Variants in AMPD3 observed in about 807,000 individuals in gnomAD.
AMPD3 encodes the protein adenosine monophosphate deaminase 3.
AMPD3 carries 57 observed loss-of-function variants against 82.3 expected under a neutral mutation model. The ratio of observed to expected loss-of-function variants is 0.69; its 90% CI spans 0.56 to 0.86. AMPD3 has a LOEUF of 0.86. Ranked by LOEUF, AMPD3 falls within the 40% of genes least tolerant of loss-of-function variation. The pLI is 0.00. For synonymous variants in AMPD3, 381 were observed against 394.7 expected (o/e 0.97, Z 0.41); for missense variants, 870 against 1,003.8 (o/e 0.87, Z 1.80).
At chr11:10,450,737 G>A (rs1009417812), upstream of AMPD3, 7 of 1,124,506 alleles carry the variant, frequency 6.2e-6, no homozygotes, top group African/African-American at 8.2e-5. Context: ...GTAGCCTCTC[G>A]GCTCTCTCTG....
At chr11:10,499,983 G>A (rs1217879626) in intron 10 of AMPD3, 103 bp from the exon 11 acceptor site, 2 of 1,553,204 alleles carry the variant, frequency 1.3e-6, no homozygotes, top group Non-Finnish European at 1.8e-6. Flanking sequence ...AACCTGAGGG[G>A]CCCAGACCCA....
intron 2 of AMPD3, among the ~76,000 whole-genome samples, chr11:10,469,929 A>T (rs905603803): frequency 2.0e-5 from 3 of 151,038 alleles, no homozygotes; most frequent in Non-Finnish European, 4.4e-5. Context: ...AGTCCCAGCT[A>T]CTTGGGAGGC....
chr11:10,483,592 G>C (rs529037846), intron 4 of AMPD3, among the ~76,000 whole-genome samples: 1 of 152,348 alleles, frequency 6.6e-6, no homozygotes, highest in African/African-American at 2.4e-5. Context: ...TGGGGAAGAG[G>C]AGCAACTTCC....
chr11:10,451,095 T>A, upstream of AMPD3: 1 of 1,548,678 alleles, frequency 6.5e-7, no homozygotes, highest in Non-Finnish European at 8.7e-7. Flanking sequence ...CCGCGGACCC[T>A]GCGGCCCAGG....
At chr11:10,473,609 T>G (rs1848654784) in intron 2 of AMPD3, 5 of 985,262 alleles carry the variant, frequency 5.1e-6, no homozygotes, top group Non-Finnish European at 6.0e-6. Context: ...GCTGGTCATC[T>G]GGCTGCATAT....
intron 6 of AMPD3, among the ~76,000 whole-genome samples, chr11:10,492,127 A>G (rs1849256490): frequency 6.6e-6 from 1 of 152,206 alleles, no homozygotes; most frequent in Non-Finnish European, 1.5e-5. Context: ...ACTTAGCATG[A>G]TATAGAGGGC....
intron 3 of AMPD3, chr11:10,481,322 A>G (rs370912901): frequency 2.1e-6 from 1 of 484,106 alleles, no homozygotes; most frequent in Non-Finnish European, 2.7e-6. Context: ...TCTGAAGGAC[A>G]CATGAATTTT....
rs1218460780 is a variant in AMPD3 at position 10,455,281 on chromosome 11, A to C, written c.-173A>C. On this transcript the variant is annotated 5_prime_UTR_variant, in exon 1 of 15. An upstream start codon of the reference 5' UTR is lost. Transcript: ENST00000396553. ...GCCTTCCCACTCTCCTAAAGGGCAG[A>C]TGAAGATCAGAGCTTTGCACCCTGT... is the stretch of plus-strand genomic sequence containing the variant. 3 of 985,332 alleles carry C rather than the reference A, an allele frequency of 3.0e-6. No individual in the cohort carries two copies. The African/African-American group carries it at 5.2e-5, about 17-fold the overall frequency. 61.0% of individuals were successfully genotyped at this position (985,332 alleles called of 1,614,324 possible).
At chr11:10,487,102 C>G (rs980601586) in intron 5 of AMPD3, 133 bp from the exon 6 acceptor site, 8 of 1,568,954 alleles carry the variant, frequency 5.1e-6, no homozygotes, top group Non-Finnish European at 7.0e-6. Flanking sequence ...TGTAGAAAGC[C>G]AGAACCTCCT....
At chr11:10,504,051 A>T (rs1849647893) in intron 13 of AMPD3, 1 of 976,386 alleles carries the variant, frequency 1.0e-6, no homozygotes, top group East Asian at 1.1e-4. Flanking sequence ...CCATTTTACC[A>T]CTTATCCTAT....
intron 12 of AMPD3, chr11:10,502,278 C>A: frequency 1.0e-6 from 1 of 985,442 alleles, no homozygotes. Context: ...CCCTCCCATC[C>A]CTTCAGGGAT....
intron 3 of AMPD3, among the ~76,000 whole-genome samples, chr11:10,480,587 T>C (rs1848875375): frequency 1.4e-5 from 2 of 139,652 alleles, no homozygotes; most frequent in African/African-American, 2.5e-5. Context: ...GAAAAATATA[T>C]TCAGACTTCT....
chr11:10,482,752 C>T (rs1368780511), intron 4 of AMPD3, among the ~76,000 whole-genome samples: 1 of 152,166 alleles, frequency 6.6e-6, no homozygotes, highest in African/African-American at 2.4e-5. Context: ...TCTTAAACTC[C>T]TGGGCTCAAG....
rs1849724837 is a variant in AMPD3, at chr11:10,506,834, G to A, written c.*950G>A. 6.6e-6 allele frequency: 1 copy of A among 152,062 alleles called. No homozygotes were observed. Among genetic ancestry groups the A allele is most frequent in the Non-Finnish European group, 1.5e-5 (1 of 67,998 alleles). 9.4% of individuals were successfully genotyped at this position (152,062 alleles called of 1,614,324 possible). A position where few individuals can be genotyped will look rare whatever the true frequency, so the allele number is the denominator to read the frequency against. On this transcript the variant is annotated 3_prime_UTR_variant, in exon 15 of 15. Transcript: ENST00000396553. The surrounding 1 kb of genome is among the most constrained non-coding windows in gnomAD (Gnocchi z 4.1). Reference sequence around the variant, plus strand: ...GCTAATAAGTAATAGGCCTAAACTGGATTTCCTTATTCCAAATCCTGTCTT... The same window carrying A: ...GCTAATAAGTAATAGGCCTAAACTGAATTTCCTTATTCCAAATCCTGTCTT...
At chr11:10,487,168 T>C in intron 5 of AMPD3, 67 bp from the exon 6 acceptor site, 2 of 1,609,718 alleles carry the variant, frequency 1.2e-6, no homozygotes, top group Non-Finnish European at 1.7e-6. Context: ...CTGCAGATGC[T>C]GGAGGCCTCC....
At chr11:10,493,230 G>T (rs1849290688) in intron 6 of AMPD3, 119 bp from the exon 7 acceptor site, 6 of 1,164,788 alleles carry the variant, frequency 5.2e-6, no homozygotes, top group Non-Finnish European at 6.4e-6. Flanking sequence ...GACACTGGTG[G>T]GGCTGCCCGG....
intron 6 of AMPD3, among the ~76,000 whole-genome samples, chr11:10,489,423 C>T (rs1849176245): frequency 6.6e-6 from 1 of 152,210 alleles, no homozygotes; most frequent in African/African-American, 2.4e-5. Context: ...GTGGGTGTTC[C>T]TGGGTCTACC....
intron 13 of AMPD3, chr11:10,503,957 C>T: frequency 1.0e-6 from 1 of 985,412 alleles, no homozygotes; most frequent in Non-Finnish European, 1.2e-6. Context: ...GAAGAGGTCA[C>T]AGACGGCTTG....
chr11:10,455,933 G>GAT, intron 1 of AMPD3: 1 of 985,410 alleles, frequency 1.0e-6, no homozygotes, highest in Non-Finnish European at 1.2e-6. Context: ...CAAAGGTGAT[G>GAT]ATATCGCTCG....
Sources: allele counts gnomAD v4.1 joint callset (sites outside exome capture counted in the v4.1 genomes callset), GRCh38; gene constraint gnomAD v4.1.1; non-coding constraint Gnocchi (gnomAD v3.1); transcripts MANE v1.5; gene names NCBI Gene and HGNC (gene_info 2026-07-23, HGNC 2026-07-21).